Variants in POLG observed in about 807,000 individuals in gnomAD.
The protein encoded by POLG is DNA polymerase gamma, catalytic subunit.
POLG carries 110 observed loss-of-function variants against 155.4 expected under a neutral mutation model. That is an observed-to-expected ratio of 0.71 (90% confidence interval 0.61 to 0.83). The LOEUF (loss-of-function observed/expected upper bound fraction) is 0.83. POLG is among the 40% of genes least tolerant of loss of function. The probability of loss-of-function intolerance (pLI) is 0.00; values close to 1 mark genes in which losing one functional copy is unlikely to be tolerated. For synonymous variants in POLG, 701 were observed against 631.5 expected (o/e 1.11, Z -1.65); for missense variants, 1,685 against 1,627.5 (o/e 1.04, Z -0.61).
Position 89,328,805 on chromosome 15 carries a change from G to C in POLG, c.1050C>G (p.Ile350Met), listed in dbSNP as rs1370170676. The part of the protein sequence containing the change: ...PAISSWDWLD[I>M]SSVNSLAEVH... ...CCTCTGCCAGACTGTTGACACTGCT[G>C]ATGTCCAGCCAGTCCCAGGATGAGA... Residue 350 changes from isoleucine to methionine, a missense_variant, in exon 5 of 23, where the codon ATC becomes ATG. Ile to Met is a conservative substitution (Grantham distance 10). Around this residue, in one of 3 missense-constraint regions of POLG, gnomAD observed 1,210 missense variants for 1,167.1 expected, o/e 1.04. Transcript: ENST00000268124. 3 of 1,614,012 alleles carry C rather than the reference G, an allele frequency of 1.9e-6. No homozygotes were observed. Among genetic ancestry groups the C allele is most frequent in the Non-Finnish European group, 2.5e-6 (3 of 1,180,054 alleles).
Position 89,318,973 on chromosome 15 carries a change from G to A in POLG, c.3231C>T (p.Cys1077=). 3 of 1,614,132 alleles carry A rather than the reference G, an allele frequency of 1.9e-6. No individual in the cohort carries two copies. The highest frequency in any genetic ancestry group is 2.5e-6 in the Non-Finnish European group (3 of 1,179,996). ...SDIPRTPVLG[C]CISRALEPSA... ...AGGGCTCCAGGGCTCGGCTGATGCAGCAGCCCAGCACCGGGGTACGTGGTA... is the reference window on the plus strand; with the variant it reads ...AGGGCTCCAGGGCTCGGCTGATGCAACAGCCCAGCACCGGGGTACGTGGTA... The change falls in exon 20 of 23, where the codon TGC becomes TGT. Residue 1077 remains cysteine (C), a synonymous_variant. Transcript: ENST00000268124.
At position 89,326,661 on chromosome 15, in the gene POLG, T is replaced by C. The variant is rs145496284; in HGVS notation, c.1663A>G (p.Thr555Ala). Residue 555 changes from threonine (T) to alanine (A), a missense_variant, in exon 9 of 23, where the codon ACC becomes GCC. Physicochemically the swap from Thr to Ala is moderately conservative, Grantham distance 58. Coordinates refer to ENST00000268124, the MANE Select transcript of POLG (RefSeq NM_002693.3). ...ARACLQKLKG[T>A]TELLPKRPQH... ...GGCCGCTTGGGCAGGAGCTCTGTGG[T>C]CCCCTTCAGCTTCTGCAAGCAGGCG... 1 of 1,613,848 alleles carries C rather than the reference T, an allele frequency of 6.2e-7. No individual in the cohort carries two copies. The highest frequency in any genetic ancestry group is 1.3e-5 in the African/African-American group (1 of 74,844).
At chr15:89,319,383 G>A in intron 18 of POLG, 33 bp from the exon 19 acceptor site, 2 of 1,611,752 alleles carry the variant, frequency 1.2e-6, no homozygotes, top group Non-Finnish European at 1.7e-6. Context: ...CATTCCACGG[G>A]AGTGCTTCCT....
Position 89,328,841 on chromosome 15 carries a change from C to T in POLG, c.1024-10G>A. Reference sequence around the variant, plus strand: ...AGTCCCAGGATGAGATCTGGGGAACCAGAGCAAGGGACATGGCAGATCAGC... The same window carrying T: ...AGTCCCAGGATGAGATCTGGGGAACTAGAGCAAGGGACATGGCAGATCAGC... On this transcript the variant is annotated splice_polypyrimidine_tract_variant and intron_variant, in intron 4 of 22. Coordinates refer to ENST00000268124, the MANE Select transcript of POLG (RefSeq NM_002693.3). 1.2e-6 allele frequency: 2 copies of T among 1,614,058 alleles called. No homozygotes were observed. The highest frequency in any genetic ancestry group is 1.7e-6 in the Non-Finnish European group (2 of 1,180,048).
rs951231639 is a variant in POLG, at chr15:89,334,798, C to T, written c.-285G>A. On this transcript the variant is annotated 5_prime_UTR_variant, in exon 1 of 23. Transcript: ENST00000268124. ...TGGCCTCCACCCGGCCGGTCCGCTTCGCTGGCAGCCGCAACTTCCCGTCTG... is the reference window on the plus strand; with the variant it reads ...TGGCCTCCACCCGGCCGGTCCGCTTTGCTGGCAGCCGCAACTTCCCGTCTG... The T allele has an allele frequency of 2.0e-5, 3 of 152,324 alleles. No homozygotes were observed. The highest frequency in any genetic ancestry group is 4.4e-5 in the Non-Finnish European group (3 of 68,102). 9.4% of individuals were successfully genotyped at this position (152,324 alleles called of 1,614,324 possible). A position where few individuals can be genotyped will look rare whatever the true frequency, so the allele number is the denominator to read the frequency against.
In POLG at chr15:89,333,377, G is replaced by T. The variant is rs754748773; in HGVS notation, c.378C>A (p.Arg126=). The T allele has an allele frequency of 6.3e-7, 1 of 1,580,988 alleles. No homozygotes were observed. The highest frequency in any genetic ancestry group is 2.3e-5 in the East Asian group (1 of 43,012). The change falls in exon 2 of 23, where the codon CGC becomes CGA. Residue 126 remains arginine (R), a synonymous_variant. Coordinates refer to ENST00000268124, the MANE Select transcript of POLG (RefSeq NM_002693.3). ...PAVPLPDVEL[R]LPPLYGDNLD... is the part of the protein sequence containing the mutation. ...GGTTGTCCCCGTAGAGGGGCGGCAG[G>T]CGCAGCTCCACGTCGGGCAAGGGCA...
chr15:89,322,269 A>T (rs2055407390), intron 14 of POLG, among the ~76,000 whole-genome samples: 1 of 152,140 alleles, frequency 6.6e-6, no homozygotes, highest in Admixed American at 6.5e-5. Context: ...GGCATCCATG[A>T]GGCGCTCCTT....
intron 18 of POLG, 43 bp from the exon 19 acceptor site, chr15:89,319,393 T>C (rs1466325484): frequency 1.2e-6 from 2 of 1,610,350 alleles, no homozygotes; most frequent in South Asian, 1.1e-5. Context: ...GAGTGCTTCC[T>C]GTGCCACGCT....
chr15:89,317,285 T>C (rs973803189), intron 22 of POLG, 91 bp downstream of exon 22: 1 of 1,226,690 alleles, frequency 8.2e-7, no homozygotes, highest in Non-Finnish European at 1.2e-6. Flanking sequence ...GAGTGGATTC[T>C]CTGGGGCCCC....
In POLG at chr15:89,316,557, CA is replaced by C; in HGVS notation, c.*193del. 3.8e-6 allele frequency: 5 copies of C among 1,309,414 alleles called. No individual in the cohort carries two copies. Among genetic ancestry groups the C allele is most frequent in the Non-Finnish European group, 5.4e-6 (5 of 923,106 alleles). 81.1% of individuals were successfully genotyped at this position (1,309,414 alleles called of 1,614,324 possible). On this transcript the variant is annotated 3_prime_UTR_variant, in exon 23 of 23. Transcript: ENST00000268124. ...GTCCTGTAGTCCACACCGATGTTGGCATCTTGGTTCTGAACCCACTGAATTC... is the reference window on the plus strand; with the variant it reads ...GTCCTGTAGTCCACACCGATGTTGGCTCTTGGTTCTGAACCCACTGAATTC...
At chr15:89,326,813 C>G in intron 8 of POLG, 75 bp from the exon 9 acceptor site, 1 of 1,610,912 alleles carries the variant, frequency 6.2e-7, no homozygotes, top group Non-Finnish European at 8.5e-7. Flanking sequence ...CCGCTCATCT[C>G]CAGAAGGCTG....
intron 21 of POLG, 107 bp from the exon 22 acceptor site, chr15:89,317,643 C>T (rs2055317852): frequency 9.4e-7 from 1 of 1,068,442 alleles, no homozygotes; most frequent in Non-Finnish European, 1.4e-6. Flanking sequence ...TCCCCTGGAC[C>T]AACACCCCAT....
intron 21 of POLG, 194 bp from the exon 22 acceptor site, chr15:89,317,730 T>A (rs2055320484): frequency 4.8e-6 from 3 of 621,788 alleles, no homozygotes; most frequent in Non-Finnish European, 8.6e-6. Flanking sequence ...CCCACTGAGA[T>A]ACTGAAATGC....
chr15:89,317,715 A>AG (rs1344742509), intron 21 of POLG, 179 bp from the exon 22 acceptor site: 4 of 658,818 alleles, frequency 6.1e-6, no homozygotes, highest in Non-Finnish European at 1.1e-5. Context: ...CCAGCAGCCT[A>AG]ACCTCCCACT....
At chr15:89,317,641 A>ACCAACACC (rs1452769266) in intron 21 of POLG, 105 bp from the exon 22 acceptor site, 1 of 1,079,150 alleles carries the variant, frequency 9.3e-7, no homozygotes, top group African/African-American at 1.6e-5. Context: ...CTTCCCCTGG[A>ACCAACACC]CCAACACCCC....
chr15:89,320,173 G>A (rs1256818581), intron 18 of POLG, among the ~76,000 whole-genome samples: 1 of 152,176 alleles, frequency 6.6e-6, no homozygotes, highest in Non-Finnish European at 1.5e-5. Flanking sequence ...TTTCCACAAT[G>A]AGCCAGCTAA....
chr15:89,322,701 G>A (rs2055413810), intron 14 of POLG, 41 bp downstream of exon 14: 2 of 1,603,096 alleles, frequency 1.2e-6, no homozygotes, highest in African/African-American at 2.7e-5. Flanking sequence ...GGTGGGAAGA[G>A]AGGGGAAAGG....
chr15:89,333,865 C>G lies in POLG; in HGVS notation c.-111G>C. 7.7e-7 allele frequency: 1 copy of G among 1,306,432 alleles called. No homozygotes were observed. The highest frequency in any genetic ancestry group is 1.1e-6 in the Non-Finnish European group (1 of 942,054). The allele number at this position is 1,306,432 out of a possible 1,614,324, so 80.9% of individuals were successfully genotyped here. Reference sequence around the variant, plus strand: ...GAGAGAGACACGTCCTGTCTCTGCTCTCCTGTCAGTGAAATGGGTTTGACC... The same window carrying G: ...GAGAGAGACACGTCCTGTCTCTGCTGTCCTGTCAGTGAAATGGGTTTGACC... On this transcript the variant is annotated 5_prime_UTR_variant, in exon 2 of 23. Coordinates refer to ENST00000268124, the MANE Select transcript of POLG (RefSeq NM_002693.3).
Position 89,333,608 on chromosome 15 carries a change from C to T in POLG, c.147G>A (p.Gln49=), listed in dbSNP as rs1596362667. 2 of 1,593,432 alleles carry T rather than the reference C, an allele frequency of 1.3e-6. No individual in the cohort carries two copies. Among genetic ancestry groups the T allele is most frequent in the Non-Finnish European group, 1.7e-6 (2 of 1,170,920 alleles). The change falls in exon 2 of 23, where the codon CAG becomes CAA. Residue 49 remains glutamine (Q), a synonymous_variant. Transcript: ENST00000268124. The part of the protein sequence containing the change: ...QRRRQQQQQQ[Q]QQQQQQPQQP... ...GCTGAGGCTGCTGTTGCTGCTGCTG[C>T]TGCTGCTGCTGCTGCTGCTGCCGCC...
Sources: allele counts gnomAD v4.1 joint callset (sites outside exome capture counted in the v4.1 genomes callset), GRCh38; gene constraint gnomAD v4.1.1; regional missense constraint gnomAD v4.1.1; transcripts MANE v1.5; gene names NCBI Gene and HGNC (gene_info 2026-07-23, HGNC 2026-07-21).